KLHL8: variants seen among roughly 807,000 people sequenced by gnomAD.
The protein encoded by KLHL8 is kelch like family member 8.
A neutral mutation model predicts 63.5 loss-of-function variants in KLHL8; 38 were observed. The observed-to-expected ratio is 0.60, with a 90% CI of 0.46 to 0.78. The LOEUF (loss-of-function observed/expected upper bound fraction) is 0.78. Ranked by LOEUF, KLHL8 falls within the 30% of genes least tolerant of loss-of-function variation. The pLI is 0.00. For missense variants in KLHL8, 566 were observed against 752.4 expected, an observed-to-expected ratio of 0.75 and a Z score of 2.90; for synonymous variants, 224 against 254.3, an observed-to-expected ratio of 0.88 and a Z score of 1.13.
At chr4:87,218,003 C>T (rs920262091) in intron 1 of KLHL8, among the ~76,000 whole-genome samples, 10 of 151,992 alleles carry the variant, frequency 6.6e-5, no homozygotes, top group Admixed American at 6.6e-4. Flanking sequence ...GTTATTTGTC[C>T]AAACCCACAG....
intron 1 of KLHL8, among the ~76,000 whole-genome samples, chr4:87,236,663 C>CT (rs34454982): frequency 0.2 from 22,436 of 110,328 alleles, 2,725 homozygotes; most frequent in South Asian, 0.26. Context: ...TGTACTGTGT[C>CT]TTTTTTTTTT....
intron 1 of KLHL8, among the ~76,000 whole-genome samples, chr4:87,209,860 T>G (rs1246692201): frequency 2.0e-5 from 3 of 149,462 alleles, no homozygotes; most frequent in Non-Finnish European, 3.0e-5. Flanking sequence ...TTTTTTTTTT[T>G]TTTTTTTTTT....
intron 6 of KLHL8, among the ~76,000 whole-genome samples, chr4:87,174,745 C>T (rs1730761575): frequency 6.6e-6 from 1 of 151,972 alleles, no homozygotes. Context: ...AATCCTCACG[C>T]TATTAACAGA....
rs1455536973 is a variant in KLHL8, at chr4:87,160,983, A to G, written c.*2536T>C. The G allele has an allele frequency of 6.6e-6, 1 of 151,690 alleles. No homozygotes were observed. Among genetic ancestry groups the G allele is most frequent in the Admixed American group, 6.6e-5 (1 of 15,238 alleles). The allele number at this position is 151,690 out of a possible 1,614,324, so 9.4% of individuals were successfully genotyped here. On this transcript the variant is annotated 3_prime_UTR_variant, in exon 10 of 10. Transcript: ENST00000273963. Reference sequence around the variant, plus strand: ...AGCCTGATTCTCATTTCATGTCTCAATAAACGTGTTTTTGCCTGATAAAGA... The same window carrying G: ...AGCCTGATTCTCATTTCATGTCTCAGTAAACGTGTTTTTGCCTGATAAAGA...
At chr4:87,230,179 T>TA (rs1448187717) in intron 1 of KLHL8, among the ~76,000 whole-genome samples, 2 of 152,140 alleles carry the variant, frequency 1.3e-5, no homozygotes, top group African/African-American at 4.8e-5. Flanking sequence ...AAGCTGTATG[T>TA]AGAGCACCTC....
upstream of KLHL8, chr4:87,221,424 C>G (rs1219752512): frequency 2.9e-5 from 4 of 137,724 alleles, no homozygotes; most frequent in Non-Finnish European, 3.1e-5. Context: ...AAAAGCAATG[C>G]AAGTAAAAGT....
Position 87,207,371 on chromosome 4 carries a change from T to G in KLHL8, c.-151-11681A>C. The G allele has an allele frequency of 4.5e-6, 3 of 660,708 alleles. No homozygotes were observed. The South Asian group carries it at 4.6e-5, about 10-fold the overall frequency. 40.9% of individuals were successfully genotyped at this position (660,708 alleles called of 1,614,324 possible). A position where few individuals can be genotyped will look rare whatever the true frequency, so the allele number is the denominator to read the frequency against. ...GGCAATGCTGACGCTGAGTACGTTG[T>G]GGAGTCCACTGGTGTTTTCACCCCC... On this transcript the variant is annotated intron_variant, in intron 1 of 9. Coordinates refer to ENST00000273963, the MANE Select transcript of KLHL8 (RefSeq NM_020803.5).
intron 8 of KLHL8, chr4:87,167,627 T>C: frequency 6.3e-6 from 3 of 473,382 alleles, no homozygotes; most frequent in Non-Finnish European, 1.3e-5. Context: ...TGCAGATGGC[T>C]CATTCCTTCC....
chr4:87,226,361 A>C (rs1288349623), intron 1 of KLHL8, among the ~76,000 whole-genome samples: 1 of 151,690 alleles, frequency 6.6e-6, no homozygotes, highest in East Asian at 1.9e-4. Context: ...TCAGGAGTTC[A>C]AGACCAGCCT....
intron 6 of KLHL8, among the ~76,000 whole-genome samples, chr4:87,174,575 G>A (rs907151843): frequency 1.3e-5 from 2 of 151,934 alleles, no homozygotes; most frequent in Admixed American, 6.6e-5. Flanking sequence ...CACCATGCCC[G>A]GCCCACCTGC....
In KLHL8 at chr4:87,195,314, G is replaced by A; in HGVS notation, c.216+10C>T. 6.2e-7 allele frequency: 1 copy of A among 1,606,578 alleles called. No individual in the cohort carries two copies. Among genetic ancestry groups the A allele is most frequent in the Non-Finnish European group, 8.5e-7 (1 of 1,176,744 alleles). The stretch of plus-strand genomic sequence containing the variant: ...GAGGCCTGAGAAAAGTACAAAAAAG[G>A]CAATCTCACCTTGAGTGTGACATCA... On this transcript the variant is annotated intron_variant, in intron 2 of 9. Coordinates refer to ENST00000273963, the MANE Select transcript of KLHL8 (RefSeq NM_020803.5).
chr4:87,205,094 A>T (rs1413271880), intron 1 of KLHL8, among the ~76,000 whole-genome samples: 1 of 152,256 alleles, frequency 6.6e-6, no homozygotes, highest in Non-Finnish European at 1.5e-5. Context: ...TTAAGGGATA[A>T]ATCAGCCCAT....
At chr4:87,216,003 T>C (rs562217748) in intron 1 of KLHL8, among the ~76,000 whole-genome samples, 17 of 152,324 alleles carry the variant, frequency 1.1e-4, no homozygotes, top group African/African-American at 3.4e-4. Flanking sequence ...TTCTTTAACA[T>C]TGGGTGTTTT....
At chr4:87,237,363 A>G (rs1368079778) in intron 1 of KLHL8, among the ~76,000 whole-genome samples, 2 of 152,248 alleles carry the variant, frequency 1.3e-5, no homozygotes, top group Non-Finnish European at 1.5e-5. Flanking sequence ...ACTTGCCAAT[A>G]CAATGCATAT....
At chr4:87,226,520 C>T (rs1448420895) in intron 1 of KLHL8, among the ~76,000 whole-genome samples, 3 of 142,658 alleles carry the variant, frequency 2.1e-5, no homozygotes, top group South Asian at 2.1e-4. Context: ...TGAGATCGCG[C>T]CACTGCATTC....
At position 87,226,801 on chromosome 4, in the gene KLHL8, A is replaced by AATAAAT. The variant is rs1313325158; in HGVS notation, n.58-5412_58-5411insATTTAT. ...TATATATATAATATATATTATATAT[A>AATAAAT]ATATATATTATATATAATATATATT... On this transcript the variant is annotated intron_variant and non_coding_transcript_variant, in intron 1 of 1. Transcript: ENST00000506274. 2.9e-3 allele frequency among the ~76,000 whole-genome samples: 38 copies of AATAAAT among 13,016 alleles called. 14 individuals carry two copies. The highest frequency in any genetic ancestry group is 0.02 in the African/African-American group (36 of 1,762). The allele number at this position is 13,016 out of a possible 152,430, so 8.5% of individuals were successfully genotyped here.
chr4:87,239,205 C>T (rs1400866182), intron 1 of KLHL8, among the ~76,000 whole-genome samples: 6 of 152,072 alleles, frequency 3.9e-5, no homozygotes. Flanking sequence ...TAGAAGAGTT[C>T]CTTCAAAAGA....
chr4:87,189,752 C>A (rs974367067), intron 2 of KLHL8, among the ~76,000 whole-genome samples: 2 of 151,794 alleles, frequency 1.3e-5, no homozygotes, highest in Admixed American at 6.6e-5. Context: ...AAAGGCCGGG[C>A]GCAGCTCACG....
intron 6 of KLHL8, among the ~76,000 whole-genome samples, chr4:87,171,798 A>G (rs1308931907): frequency 6.6e-6 from 1 of 152,144 alleles, no homozygotes; most frequent in Non-Finnish European, 1.5e-5. Flanking sequence ...TCTTTACTCC[A>G]TCATTAAATT....
Sources: allele counts gnomAD v4.1 joint callset (sites outside exome capture counted in the v4.1 genomes callset), GRCh38; gene constraint gnomAD v4.1.1; transcripts MANE v1.5; gene names NCBI Gene and HGNC (gene_info 2026-07-23, HGNC 2026-07-21).